MACROH2A1: variants seen among roughly 807,000 people sequenced by gnomAD.
The protein encoded by MACROH2A1 is core histone macro-H2A.1.
In MACROH2A1, 2 loss-of-function variants were observed where a neutral mutation model predicts 31.6. That is an observed-to-expected ratio of 0.06 (90% CI 0.03 to 0.20). The LOEUF (loss-of-function observed/expected upper bound fraction) is 0.20. Ranked by LOEUF, MACROH2A1 falls within the 10% of genes least tolerant of loss-of-function variation. The pLI is 1.00. For missense variants in MACROH2A1, 230 were observed against 474.0 expected (o/e 0.49, Z 4.78); for synonymous variants, 169 against 189.6 (o/e 0.89, Z 0.89).
intron 2 of MACROH2A1, among the ~76,000 whole-genome samples, chr5:135,384,068 T>G (rs1051211775): frequency 1.3e-5 from 2 of 152,164 alleles, no homozygotes; most frequent in African/African-American, 2.4e-5. Context: ...ATTTTCAAGG[T>G]AAGTGACAGA....
chr5:135,396,672 G>A (rs766311559), intron 1 of MACROH2A1, among the ~76,000 whole-genome samples: 3 of 152,018 alleles, frequency 2.0e-5, no homozygotes, highest in African/African-American at 4.8e-5. Context: ...GGGGGGCTAC[G>A]TGGGGCCTTT....
At chr5:135,350,875 A>G (rs1315013048) in intron 6 of MACROH2A1, 1 of 1,613,086 alleles carries the variant, frequency 6.2e-7, no homozygotes, top group Non-Finnish European at 8.5e-7. Context: ...CGACAGCATC[A>G]CTGTCGATCG....
rs1763876908 is a variant in MACROH2A1 at position 135,369,155 on chromosome 5, G to T, written c.477+251C>A. 6.6e-6 allele frequency among the ~76,000 whole-genome samples: 1 copy of T among 152,172 alleles called. No individual in the cohort carries two copies. Among genetic ancestry groups the T allele is most frequent in the South Asian group, 2.1e-4 (1 of 4,828 alleles). ...TTCCAGCTTGACACTATCCCTGAAA[G>T]CCCACCACCCATCCCCCTTGCCTAC... On this transcript the variant is annotated intron_variant, in intron 4 of 8. Transcript: ENST00000511689. The surrounding 1 kb of genome is among the most constrained non-coding windows in gnomAD (Gnocchi z 4.3).
chr5:135,396,826 T>C (rs1407083251), intron 1 of MACROH2A1, among the ~76,000 whole-genome samples: 1 of 152,168 alleles, frequency 6.6e-6, no homozygotes, highest in African/African-American at 2.4e-5. Context: ...GGAAAGACTC[T>C]GAGACACTGA....
chr5:135,366,700 T>G (rs1386738099), intron 4 of MACROH2A1, among the ~76,000 whole-genome samples: 2 of 151,902 alleles, frequency 1.3e-5, no homozygotes, highest in African/African-American at 4.8e-5. Context: ...TGGGGAGAAG[T>G]AGGGTGAGGG....
intron 2 of MACROH2A1, among the ~76,000 whole-genome samples, chr5:135,377,435 G>C (rs754085461): frequency 6.6e-5 from 10 of 152,250 alleles, no homozygotes; most frequent in Non-Finnish European, 1.5e-4. Context: ...ATGATTTGAA[G>C]AGTATAATGT....
chr5:135,373,182 A>T (rs1245153820), intron 2 of MACROH2A1, among the ~76,000 whole-genome samples: 1 of 152,130 alleles, frequency 6.6e-6, no homozygotes, highest in African/African-American at 2.4e-5. Context: ...CCTCCCTGAG[A>T]GAAGGCTCAG....
chr5:135,345,843 G>T, intron 7 of MACROH2A1, 125 bp downstream of exon 7: 2 of 680,580 alleles, frequency 2.9e-6, no homozygotes. Flanking sequence ...GGCTGTCCTT[G>T]GCCTCCATCT....
chr5:135,356,997 C>T (rs996895121), intron 5 of MACROH2A1: 1 of 152,184 alleles, frequency 6.6e-6, no homozygotes, highest in Non-Finnish European at 1.5e-5. Flanking sequence ...TTCACTTCAA[C>T]GAGGGGAATG....
intron 4 of MACROH2A1, among the ~76,000 whole-genome samples, chr5:135,367,713 G>A (rs776872969): frequency 2.0e-5 from 3 of 152,240 alleles, no homozygotes; most frequent in Non-Finnish European, 4.4e-5. Context: ...CTAAGCTGAG[G>A]ACGTGGTCCT....
chr5:135,357,041 G>T (rs1006455918), intron 5 of MACROH2A1: 1 of 152,144 alleles, frequency 6.6e-6, no homozygotes, highest in Admixed American at 6.5e-5. Flanking sequence ...ACCCTTTCCA[G>T]TCTCCTCCTG....
At chr5:135,379,374 G>T (rs1459783565) in intron 2 of MACROH2A1, among the ~76,000 whole-genome samples, 1 of 152,188 alleles carries the variant, frequency 6.6e-6, no homozygotes, top group Admixed American at 6.5e-5. Flanking sequence ...GGGAAGAGGA[G>T]GAAGAAAGGG....
In MACROH2A1 at chr5:135,343,938, A is replaced by G. The variant is rs112178263; in HGVS notation, c.779-504T>C. Reference sequence around the variant, plus strand: ...TCAGGACAAAGCTACTAGGAAAGCAACTGCTTTAAATGATCTGCTAAGCAA... The same window carrying G: ...TCAGGACAAAGCTACTAGGAAAGCAGCTGCTTTAAATGATCTGCTAAGCAA... On this transcript the variant is annotated intron_variant, in intron 7 of 8. Transcript: ENST00000511689. 1.9e-3 allele frequency: 322 copies of G among 171,648 alleles called. 2 individuals carry two copies. The highest frequency in any genetic ancestry group is 7.2e-3 in the African/African-American group (303 of 42,084). 10.6% of individuals were successfully genotyped at this position (171,648 alleles called of 1,614,324 possible).
intron 4 of MACROH2A1, among the ~76,000 whole-genome samples, chr5:135,363,708 G>C (rs1251167565): frequency 6.6e-6 from 1 of 152,128 alleles, no homozygotes; most frequent in Non-Finnish European, 1.5e-5. Flanking sequence ...GGGATGGCTG[G>C]GTCAAATGGT....
chr5:135,391,971 G>A (rs572528795), intron 1 of MACROH2A1, among the ~76,000 whole-genome samples: 1 of 152,314 alleles, frequency 6.6e-6, no homozygotes, highest in South Asian at 2.1e-4. Context: ...GCATACTTCA[G>A]CTACTTTTGG....
At chr5:135,345,891 T>G in intron 7 of MACROH2A1, 77 bp downstream of exon 7, 1 of 942,090 alleles carries the variant, frequency 1.1e-6, no homozygotes, top group Non-Finnish European at 1.8e-6. Context: ...CTCTGAATTC[T>G]AAGCCCTCTC....
chr5:135,398,424 G>A lies in MACROH2A1; in HGVS notation c.-34+638C>T, dbSNP rs1159079587. 2.0e-5 allele frequency among the ~76,000 whole-genome samples: 3 copies of A among 152,324 alleles called. No homozygotes were observed. In the East Asian group the frequency reaches 5.8e-4, roughly 29 times the overall value. ...GCTGATACCGAGACAATCGGGAGCA[G>A]CGGGGGTTCCCGTGGCCCCTCTCCA... On this transcript the variant is annotated intron_variant, in intron 1 of 8. Transcript: ENST00000511689. This position sits in a 1 kb window ranked among gnomAD's most constrained non-coding sequence, Gnocchi z 4.6.
At chr5:135,360,804 G>A (rs1360526394) in intron 4 of MACROH2A1, 197 bp from the exon 5 acceptor site, 1 of 692,430 alleles carries the variant, frequency 1.4e-6, no homozygotes, top group Admixed American at 2.0e-5. Flanking sequence ...TAAGTTATAT[G>A]TTAATCACTT....
intron 8 of MACROH2A1, among the ~76,000 whole-genome samples, chr5:135,341,805 A>G (rs1000507649): frequency 3.3e-5 from 5 of 152,266 alleles, no homozygotes; most frequent in Admixed American, 3.3e-4. Context: ...AGCAGCTGTC[A>G]GTTCAGGACA....
Sources: gnomAD v4.1 joint callset for allele counts (sites outside exome capture counted in the v4.1 genomes callset) on GRCh38, gnomAD v4.1.1 for gene constraint, Gnocchi (gnomAD v3.1) non-coding constraint, MANE v1.5 for transcripts, NCBI Gene and HGNC (gene_info 2026-07-23, HGNC 2026-07-21) for gene names.